Variants in MAD1L1 observed in about 807,000 individuals in gnomAD.
MAD1L1 encodes the protein mitotic arrest deficient 1 like 1.
A neutral mutation model predicts 96.9 loss-of-function variants in MAD1L1; 95 were observed. That is an observed-to-expected ratio of 0.98 (90% confidence interval 0.83 to 1.16). The LOEUF is 1.16. Among genes scored for constraint, MAD1L1 ranks in the 50% most tolerant of loss-of-function variants. MAD1L1 has a pLI of 0.00. For synonymous variants in MAD1L1, 473 were observed against 396.6 expected (o/e 1.19, Z -2.29); for missense variants, 1,007 against 954.4 (o/e 1.06, Z -0.73).
chr7:1,854,034 A>G (rs1583563194), intron 18 of MAD1L1, among the ~76,000 whole-genome samples: 1 of 152,118 alleles, frequency 6.6e-6, no homozygotes, highest in Admixed American at 6.5e-5. Flanking sequence ...GATTAATATC[A>G]CTCATTGTGA....
chr7:1,957,354 G>A (rs913292827), intron 16 of MAD1L1, among the ~76,000 whole-genome samples: 8 of 152,240 alleles, frequency 5.3e-5, no homozygotes, highest in African/African-American at 7.2e-5. Context: ...AGCAGATCCC[G>A]GGTGGGCATA....
At chr7:1,865,073 C>T (rs11761670) in intron 18 of MAD1L1, among the ~76,000 whole-genome samples, 41,761 of 152,130 alleles carry the variant, frequency 0.27, 6,875 homozygotes, top group East Asian at 0.46. Flanking sequence ...TCTAGTGACA[C>T]CCTTCCGGGA....
At position 2,142,276 on chromosome 7, in the gene MAD1L1, A is replaced by AG. The variant is rs1255801226; in HGVS notation, c.1073+6875dup. ...CCAGCATCCGCACTGGAACCACCAC[A>AG]GGAAAGCAGATGCCATCAAGGGCCC... On this transcript the variant is annotated intron_variant, in intron 11 of 18. Transcript: ENST00000265854. The surrounding 1 kb of genome is among the most constrained non-coding windows in gnomAD (Gnocchi z 4.7). 6.6e-6 allele frequency among the ~76,000 whole-genome samples: 1 copy of AG among 152,260 alleles called. No homozygotes were observed. The highest frequency in any genetic ancestry group is 1.9e-4 in the East Asian group (1 of 5,198).
intron 18 of MAD1L1, among the ~76,000 whole-genome samples, chr7:1,884,193 T>C (rs942729091): frequency 6.6e-6 from 1 of 152,192 alleles, no homozygotes; most frequent in African/African-American, 2.4e-5. Context: ...GCATGCACGG[T>C]GTTTGGTGGC....
At chr7:2,164,146 C>G (rs1790304929) in intron 10 of MAD1L1, among the ~76,000 whole-genome samples, 1 of 152,172 alleles carries the variant, frequency 6.6e-6, no homozygotes, top group Non-Finnish European at 1.5e-5. Context: ...GTATAACGAA[C>G]CGCTGTATAA....
intron 11 of MAD1L1, among the ~76,000 whole-genome samples, chr7:2,132,626 G>A (rs1023603829): frequency 7.2e-5 from 11 of 152,296 alleles, no homozygotes; most frequent in Middle Eastern, 3.4e-3. Context: ...AGAATACCAC[G>A]GAGGAGAAAT....
At chr7:2,108,811 C>T (rs952734732) in intron 11 of MAD1L1, among the ~76,000 whole-genome samples, 3 of 152,202 alleles carry the variant, frequency 2.0e-5, no homozygotes, top group African/African-American at 7.2e-5. Context: ...GCTAGGGACG[C>T]GGCAGGAGCG....
At chr7:1,953,721 C>T (rs561247140) in intron 16 of MAD1L1, among the ~76,000 whole-genome samples, 1 of 152,226 alleles carries the variant, frequency 6.6e-6, no homozygotes, top group Non-Finnish European at 1.5e-5. Context: ...ACCAGGCGCT[C>T]GCTGCAAACT....
chr7:1,870,424 TCCTGCCACGCTGAACCCACCGTAACA>T (rs1562475434), intron 18 of MAD1L1, among the ~76,000 whole-genome samples: 1 of 76,612 alleles, frequency 1.3e-5, no homozygotes, highest in East Asian at 4.1e-4. Context: ...CCCAACATAC[TCCTGCCACGCTGAACCCACCGTAACA>T]CCTGCCACGC....
At chr7:1,891,521 T>C (rs1786538730) in intron 18 of MAD1L1, among the ~76,000 whole-genome samples, 2 of 141,026 alleles carry the variant, frequency 1.4e-5, no homozygotes, top group Admixed American at 7.6e-5. Context: ...CAAGACTCTG[T>C]CTCAAATAAA....
intron 14 of MAD1L1, among the ~76,000 whole-genome samples, chr7:1,987,045 G>A (rs1391651408): frequency 4.0e-5 from 6 of 151,326 alleles, no homozygotes; most frequent in Non-Finnish European, 8.9e-5. Context: ...ATCCATGTCT[G>A]TGGGCCACCT....
At chr7:1,887,036 T>A (rs1289858257) in intron 18 of MAD1L1, among the ~76,000 whole-genome samples, 1 of 152,262 alleles carries the variant, frequency 6.6e-6, no homozygotes, top group Non-Finnish European at 1.5e-5. Flanking sequence ...ACATCTCTTT[T>A]TCTAACATGG....
At chr7:2,074,902 C>T (rs916626219) in intron 11 of MAD1L1, among the ~76,000 whole-genome samples, 17 of 152,248 alleles carry the variant, frequency 1.1e-4, no homozygotes, top group African/African-American at 2.9e-4. Flanking sequence ...GTGTCAGAGC[C>T]GGGGACGCTT....
At chr7:2,096,436 A>G (rs965970753) in intron 11 of MAD1L1, among the ~76,000 whole-genome samples, 9 of 151,872 alleles carry the variant, frequency 5.9e-5, no homozygotes, top group African/African-American at 2.2e-4. Context: ...CTCGGCTTTC[A>G]CTCTCAAAAG....
intron 17 of MAD1L1, among the ~76,000 whole-genome samples, chr7:1,910,189 G>A (rs1042108385): frequency 6.6e-5 from 10 of 151,960 alleles, no homozygotes; most frequent in Non-Finnish European, 1.5e-4. Context: ...CCCCTCCCCC[G>A]GCACCAGGCT....
chr7:2,073,600 T>C (rs979044042), intron 11 of MAD1L1, among the ~76,000 whole-genome samples: 1 of 152,230 alleles, frequency 6.6e-6, no homozygotes, highest in African/African-American at 2.4e-5. Context: ...CGTGTCTGGC[T>C]GTCAAGCATC....
chr7:1,862,997 C>T (rs565809286), intron 18 of MAD1L1, among the ~76,000 whole-genome samples: 1 of 152,320 alleles, frequency 6.6e-6, no homozygotes, highest in South Asian at 2.1e-4. Context: ...TTGGGGAGAC[C>T]CAGAGCCTCC....
chr7:2,216,124 G>C (rs371734980), intron 8 of MAD1L1, 33 bp downstream of exon 8: 7 of 1,609,096 alleles, frequency 4.4e-6, no homozygotes, highest in South Asian at 3.3e-5. Context: ...AGACTCACTC[G>C]AGGCGGCTGC....
chr7:2,073,917 G>A (rs1280368584), intron 11 of MAD1L1, among the ~76,000 whole-genome samples: 3 of 152,188 alleles, frequency 2.0e-5, no homozygotes, highest in African/African-American at 2.4e-5. Flanking sequence ...GCAAGCACTC[G>A]GGCCCGCGTC....
Sources: allele counts gnomAD v4.1 joint callset (sites outside exome capture counted in the v4.1 genomes callset), GRCh38; gene constraint gnomAD v4.1.1; non-coding constraint Gnocchi (gnomAD v3.1); transcripts MANE v1.5; gene names NCBI Gene and HGNC (gene_info 2026-07-23, HGNC 2026-07-21).